Variants in SLC38A6 observed in about 807,000 individuals in gnomAD.
The protein encoded by SLC38A6 is N system amino acid transporter NAT-1.
Under a neutral mutation model 65.0 loss-of-function variants are expected in SLC38A6, and 73 were observed. The ratio of observed to expected loss-of-function variants is 1.12; its 90% CI spans 0.93 to 1.37. The LOEUF (loss-of-function observed/expected upper bound fraction) is 1.37, where lower values mean the gene tolerates loss of function less well. Among genes scored for constraint, SLC38A6 ranks in the 40% most tolerant of loss-of-function variants. The pLI, the probability that SLC38A6 is intolerant of heterozygous loss-of-function variation, is 0.00. For missense variants in SLC38A6, 561 were observed against 531.1 expected (o/e 1.06, Z -0.55); for synonymous variants, 183 against 178.8 (o/e 1.02, Z -0.19).
intron 3 of SLC38A6, among the ~76,000 whole-genome samples, chr14:61,013,546 T>C (rs1419946011): frequency 6.6e-6 from 1 of 152,246 alleles, no homozygotes; most frequent in Non-Finnish European, 1.5e-5. Flanking sequence ...CCATGTTTAG[T>C]GCTTCCTTCA....
At position 60,982,765 on chromosome 14, in the gene SLC38A6, T is replaced by C. The variant is rs1333915062; in HGVS notation, c.236+127T>C. On this transcript the variant is annotated intron_variant, in intron 2 of 15. Coordinates refer to ENST00000267488, the MANE Select transcript of SLC38A6 (RefSeq NM_153811.3). The stretch of plus-strand genomic sequence containing the variant: ...TTAGTTATTTCTGGGGTTTTAGCAT[T>C]TTTCTTGTTATTCTTGTTGCTAGTG... The C allele has an allele frequency of 4.5e-6, 5 of 1,111,356 alleles. No homozygotes were observed. In the Admixed American group the frequency reaches 1.5e-4, roughly 33 times the overall value. The allele number at this position is 1,111,356 out of a possible 1,614,324, so 68.8% of individuals were successfully genotyped here.
Position 61,019,307 on chromosome 14 carries a change from C to T in SLC38A6, c.364-234C>T, listed in dbSNP as rs558061644. ...ACTTTTAACAATTTAAAAGTGACTGCCAAGAAAAATTTCAAAAACTTCTTT... is the reference window on the plus strand; with the variant it reads ...ACTTTTAACAATTTAAAAGTGACTGTCAAGAAAAATTTCAAAAACTTCTTT... On this transcript the variant is annotated intron_variant, in intron 4 of 15. Coordinates refer to ENST00000267488, the MANE Select transcript of SLC38A6 (RefSeq NM_153811.3). Among the ~76,000 whole-genome samples the T allele has an allele frequency of 5.3e-5, 8 of 152,114 alleles. No individual in the cohort carries two copies. The South Asian group carries it at 1.2e-3, about 24-fold the overall frequency.
At chr14:61,014,082 T>A (rs1011817601) in intron 3 of SLC38A6, among the ~76,000 whole-genome samples, 7 of 152,210 alleles carry the variant, frequency 4.6e-5, no homozygotes, top group Non-Finnish European at 1.0e-4. Flanking sequence ...TTTGTTCATT[T>A]CTTTTTATTC....
intron 8 of SLC38A6, among the ~76,000 whole-genome samples, chr14:61,038,227 T>G (rs2041533136): frequency 6.6e-6 from 1 of 152,044 alleles, no homozygotes; most frequent in South Asian, 2.1e-4. Context: ...TATTCCTTAT[T>G]TTTTAATTAG....
At chr14:61,032,068 C>G (rs1165394711) in intron 6 of SLC38A6, among the ~76,000 whole-genome samples, 1 of 151,816 alleles carries the variant, frequency 6.6e-6, no homozygotes, top group Non-Finnish European at 1.5e-5. Flanking sequence ...CACAAACTTA[C>G]AGCACAGTGT....
At chr14:61,009,457 T>C (rs1335516006) in intron 3 of SLC38A6, among the ~76,000 whole-genome samples, 1 of 152,240 alleles carries the variant, frequency 6.6e-6, no homozygotes, top group Non-Finnish European at 1.5e-5. Context: ...TACATATGGA[T>C]ACATGTGCCA....
intron 15 of SLC38A6, chr14:61,073,965 T>C (rs1397346987): frequency 6.6e-6 from 1 of 152,226 alleles, no homozygotes; most frequent in East Asian, 1.9e-4. Flanking sequence ...CTCTTTCTTA[T>C]GATTTTCTTA....
chr14:61,016,017 A>G (rs2039986925), intron 4 of SLC38A6, 61 bp downstream of exon 4: 44 of 1,325,526 alleles, frequency 3.3e-5, no homozygotes, highest in Non-Finnish European at 4.2e-5. Context: ...CTTTTGTTTC[A>G]AGTTAAAAGA....
chr14:61,051,947 C>G lies in SLC38A6; in HGVS notation c.1195+16C>G, dbSNP rs776908117. 9.4e-6 allele frequency: 15 copies of G among 1,604,074 alleles called. No homozygotes were observed. Among genetic ancestry groups the G allele is most frequent in the South Asian group, 3.4e-5 (3 of 87,914 alleles). Reference sequence around the variant, plus strand: ...GGTGTAGTTGGTAAGTTTTCTGTTTCAAAAAGTTCACATAATAAAATTGAT... The same window carrying G: ...GGTGTAGTTGGTAAGTTTTCTGTTTGAAAAAGTTCACATAATAAAATTGAT... On this transcript the variant is annotated intron_variant, in intron 14 of 15. Transcript: ENST00000267488.
chr14:61,057,105 C>G (rs1175109345), downstream of SLC38A6, among the ~76,000 whole-genome samples: 43 of 76,126 alleles, frequency 5.6e-4, no homozygotes, highest in African/African-American at 2.2e-3. Context: ...ATTGAATACC[C>G]TTTATTTCCT....
chr14:61,053,934 A>C (rs2042617286), downstream of SLC38A6, among the ~76,000 whole-genome samples: 1 of 152,066 alleles, frequency 6.6e-6, no homozygotes, highest in Non-Finnish European at 1.5e-5. Context: ...TGCCTTTGTC[A>C]TGAAATCTTT....
chr14:61,036,693 TTATATC>T (rs1163836186), intron 6 of SLC38A6, among the ~76,000 whole-genome samples: 1 of 152,210 alleles, frequency 6.6e-6, no homozygotes, highest in African/African-American at 2.4e-5. Context: ...TGAAAATTCT[TTATATC>T]TATTGCCAAA....
intron 12 of SLC38A6, among the ~76,000 whole-genome samples, chr14:61,047,005 C>T (rs1245938213): frequency 6.6e-6 from 1 of 152,078 alleles, no homozygotes; most frequent in Non-Finnish European, 1.5e-5. Flanking sequence ...CAGACTTGAA[C>T]TCAATAAGAC....
intron 16 of SLC38A6, among the ~76,000 whole-genome samples, chr14:61,082,913 A>G (rs891856537): frequency 6.6e-6 from 1 of 152,180 alleles, no homozygotes; most frequent in Non-Finnish European, 1.5e-5. Context: ...TTTCCTCAGA[A>G]TGACCCTATA....
intron 3 of SLC38A6, among the ~76,000 whole-genome samples, chr14:61,005,599 A>C (rs533654475): frequency 6.6e-6 from 1 of 152,274 alleles, no homozygotes; most frequent in African/African-American, 2.4e-5. Flanking sequence ...CAAAGAGAAT[A>C]AAGTACCTAG....
At chr14:61,008,294 C>T (rs114068310) in intron 3 of SLC38A6, among the ~76,000 whole-genome samples, 1,483 of 108,758 alleles carry the variant, frequency 0.014, 14 homozygotes, top group African/African-American at 0.049. Context: ...TTCAGCATTC[C>T]ACTGACTTCT....
At chr14:60,999,435 A>G (rs555762549) in intron 3 of SLC38A6, among the ~76,000 whole-genome samples, 2 of 152,034 alleles carry the variant, frequency 1.3e-5, no homozygotes, top group South Asian at 2.1e-4. Context: ...AGGTTTTAAA[A>G]CCCTCTGGAG....
chr14:61,081,634 A>G (rs1303718732), intron 16 of SLC38A6, among the ~76,000 whole-genome samples: 1 of 152,058 alleles, frequency 6.6e-6, no homozygotes, highest in African/African-American at 2.4e-5. Flanking sequence ...GCAGTAAGCC[A>G]ATACCCGCCA....
chr14:61,006,352 T>G (rs1299991667), intron 3 of SLC38A6, among the ~76,000 whole-genome samples: 1 of 152,164 alleles, frequency 6.6e-6, no homozygotes, highest in Non-Finnish European at 1.5e-5. Flanking sequence ...CTAAAGAGCT[T>G]CTTCACAGCA....
Sources: gnomAD v4.1 joint callset for allele counts (sites outside exome capture counted in the v4.1 genomes callset) on GRCh38, gnomAD v4.1.1 for gene constraint, MANE v1.5 for transcripts, NCBI Gene and HGNC (gene_info 2026-07-23, HGNC 2026-07-21) for gene names.